Variants in EIF3M observed in about 807,000 individuals in gnomAD.
EIF3M encodes B5 receptor.
EIF3M carries 25 observed loss-of-function variants against 49.7 expected under a neutral mutation model. That is an observed-to-expected ratio of 0.50 (90% CI 0.37 to 0.70). The LOEUF (loss-of-function observed/expected upper bound fraction) is 0.70. Among genes scored for constraint, EIF3M ranks in the 30% least tolerant of loss-of-function variants. The pLI is 0.00. For missense variants in EIF3M, 350 were observed against 440.0 expected, an observed-to-expected ratio of 0.80 and a Z score of 1.83; for synonymous variants, 156 against 149.8, an observed-to-expected ratio of 1.04 and a Z score of -0.30.
chr11:32,588,693 A>G lies in EIF3M; in HGVS notation c.275A>G (p.Lys92Arg), dbSNP rs201519949. The G allele has an allele frequency of 1.1e-5, 17 of 1,614,108 alleles. No homozygotes were observed. Among genetic ancestry groups the G allele is most frequent in the African/African-American group, 6.7e-5 (5 of 74,942 alleles). Residue 92 changes from lysine (K) to arginine (R), a missense_variant, in exon 3 of 11, where the codon AAA becomes AGA. Transcript: ENST00000531120. ...GAAAGCCTATGTGAAAAGCTGGTCA[A>G]ATTTCGCGAAGGTGAACGCCCGTCT... ...LIESLCEKLV[K>R]FREGERPSLR...
intron 8 of EIF3M, 21 bp from the exon 9 acceptor site, chr11:32,600,668 C>T: frequency 6.3e-7 from 1 of 1,590,186 alleles, no homozygotes; most frequent in Non-Finnish European, 8.5e-7. Flanking sequence ...ACTCATCAGG[C>T]TTCACTATTC....
At chr11:32,598,828 A>G (rs950078082) in intron 8 of EIF3M, among the ~76,000 whole-genome samples, 1 of 152,052 alleles carries the variant, frequency 6.6e-6, no homozygotes, top group African/African-American at 2.4e-5. Context: ...AGAACTGAGA[A>G]TGTTAAGGAA....
At position 32,600,712 on chromosome 11, in the gene EIF3M, G is replaced by A. The variant is rs1304035892; in HGVS notation, c.823G>A (p.Ala275Thr). The A allele has an allele frequency of 1.2e-6, 2 of 1,610,428 alleles. No individual in the cohort carries two copies. Among genetic ancestry groups the A allele is most frequent in the South Asian group, 1.1e-5 (1 of 90,572 alleles). Reference sequence around the variant, plus strand: ...AGGCCTGTTACATGAACAGAATATGGCAAAAATGAGACTACTTACTTTTAT... The same window carrying A: ...AGGCCTGTTACATGAACAGAATATGACAAAAATGAGACTACTTACTTTTAT... ...SLGLLHEQNM[A>T]KMRLLTFMGM... Residue 275 changes from alanine (A) to threonine (T), a missense_variant, in exon 9 of 11, where the codon GCA (alanine) becomes ACA (threonine). By Grantham distance (58) the Ala-to-Thr change is moderately conservative. Transcript: ENST00000531120.
chr11:32,588,941 G>T (rs1855049200), intron 3 of EIF3M, 71 bp from the exon 4 acceptor site: 1 of 1,580,986 alleles, frequency 6.3e-7, no homozygotes. Context: ...CAGGTTTGTG[G>T]TGAGAGCTAA....
Position 32,600,726 on chromosome 11 carries a change from A to G in EIF3M, c.837A>G (p.Leu279=). 6.2e-7 allele frequency: 1 copy of G among 1,611,392 alleles called. No individual in the cohort carries two copies. Among genetic ancestry groups the G allele is most frequent in the Non-Finnish European group, 8.5e-7 (1 of 1,178,350 alleles). The change falls in exon 9 of 11, where the codon CTA becomes CTG. Residue 279 remains leucine, a synonymous_variant. Transcript: ENST00000531120. ...AACAGAATATGGCAAAAATGAGACT[A>G]CTTACTTTTATGGGAATGGCAGTAG... ...LHEQNMAKMR[L]LTFMGMAVEN...
Position 32,593,858 on chromosome 11 carries a change from C to CT in EIF3M, c.534-3dup. 1 of 1,555,380 alleles carries CT rather than the reference C, an allele frequency of 6.4e-7. No individual in the cohort carries two copies. Reference sequence around the variant, plus strand: ...CTTTCAAGTTCCTAAAGCAATATTTCTTTTTAGTGATGCTGCTTCAAAAGT... The same window carrying CT: ...CTTTCAAGTTCCTAAAGCAATATTTCTTTTTTAGTGATGCTGCTTCAAAAGT... On this transcript the variant is annotated splice_polypyrimidine_tract_variant and splice_region_variant and intron_variant, in intron 5 of 10. Transcript: ENST00000531120.
rs1855010208 is a variant in EIF3M at position 32,586,994 on chromosome 11, T to C, written c.43-18T>C. 4.4e-6 allele frequency: 7 copies of C among 1,587,576 alleles called. No individual in the cohort carries two copies. The highest frequency in any genetic ancestry group is 6.0e-6 in the Non-Finnish European group (7 of 1,168,470). On this transcript the variant is annotated intron_variant, in intron 1 of 10. Coordinates refer to ENST00000531120, the MANE Select transcript of EIF3M (RefSeq NM_006360.6). ...TTGTCATTCGTAGTCAGTTTTATAA[T>C]AGAGCAATCCTCAACAGGCTGCTGA...
rs1324638908 is a variant in EIF3M, at chr11:32,602,834, C to G, written c.*435C>G. 2 of 1,597,704 alleles carry G rather than the reference C, an allele frequency of 1.3e-6. No homozygotes were observed. Among genetic ancestry groups the G allele is most frequent in the African/African-American group, 2.7e-5 (2 of 73,740 alleles). ...CATTATTTTAATCTGTTGTTTTTTT[C>G]CAACGTCTCTTCTGCTTTTCTTTTC... On this transcript the variant is annotated 3_prime_UTR_variant, in exon 11 of 11. Transcript: ENST00000531120.
In EIF3M at chr11:32,589,625, G is replaced by A; in HGVS notation, c.517G>A (p.Val173Met). The change falls in exon 5 of 11, where the codon GTG becomes ATG. Residue 173 changes from valine to methionine, a missense_variant. By Grantham distance (21) the Val-to-Met change is conservative (BLOSUM62 1). Transcript: ENST00000531120. ...TTTAAGACTACTTTATGAGGCACTT[G>A]TGGATTGTAAGAAGAGGTATTCAAA... is the stretch of plus-strand genomic sequence containing the variant. Reference protein sequence around the residue: ...TLLRLLYEALVDCKKSDAASK... With the variant: ...TLLRLLYEALMDCKKSDAASK... 1.9e-6 allele frequency: 3 copies of A among 1,614,052 alleles called. No individual in the cohort carries two copies. Among genetic ancestry groups the A allele is most frequent in the Non-Finnish European group, 2.5e-6 (3 of 1,179,998 alleles).
chr11:32,593,784 A>C, intron 5 of EIF3M, 82 bp from the exon 6 acceptor site: 1 of 963,064 alleles, frequency 1.0e-6, no homozygotes, highest in South Asian at 2.3e-5. Flanking sequence ...TGTCATCAGC[A>C]CAGTACCTGC....
chr11:32,595,289 G>A (rs1855163161), intron 7 of EIF3M, among the ~76,000 whole-genome samples: 1 of 151,446 alleles, frequency 6.6e-6, no homozygotes, highest in Admixed American at 6.6e-5. Context: ...GCGGTGGCAT[G>A]ATCTTGGCTC....
intron 5 of EIF3M, 73 bp from the exon 6 acceptor site, chr11:32,593,793 G>C: frequency 9.6e-7 from 1 of 1,037,682 alleles, no homozygotes; most frequent in East Asian, 2.7e-5. Flanking sequence ...CACAGTACCT[G>C]CCTCTTAAAA....
chr11:32,595,156 C>G (rs1565049325), intron 7 of EIF3M, 143 bp downstream of exon 7: 5 of 660,918 alleles, frequency 7.6e-6, no homozygotes, highest in Non-Finnish European at 1.2e-5. Context: ...CTTTTTATAT[C>G]AGGAACAGAC....
chr11:32,596,911 C>CA lies in EIF3M; in HGVS notation c.799+874dup, dbSNP rs76116503. On this transcript the variant is annotated intron_variant, in intron 8 of 10. Coordinates refer to ENST00000531120, the MANE Select transcript of EIF3M (RefSeq NM_006360.6). ...CAGAGTGAGGCTCCATCTCAAAAAA[C>CA]AAAAAAAAAAGAGAGAGAAAATGAC... Among the ~76,000 whole-genome samples, 254 of 146,834 alleles carry CA rather than the reference C, an allele frequency of 1.7e-3. 5 individuals carry two copies. The highest frequency in any genetic ancestry group is 1.4e-3 in the Non-Finnish European group (90 of 66,282).
chr11:32,588,234 C>T (rs941859914), intron 2 of EIF3M, among the ~76,000 whole-genome samples: 9 of 151,812 alleles, frequency 5.9e-5, no homozygotes, highest in Middle Eastern at 3.4e-3. Context: ...ACTAAAAATA[C>T]AAAAATTAGC....
chr11:32,586,904 T>G, intron 1 of EIF3M, 108 bp from the exon 2 acceptor site: 1 of 1,365,648 alleles, frequency 7.3e-7, no homozygotes, highest in Non-Finnish European at 9.8e-7. Flanking sequence ...TTATTTGAAA[T>G]AGTTGTTGAA....
intron 9 of EIF3M, 159 bp from the exon 10 acceptor site, chr11:32,601,603 G>T (rs963875537): frequency 3.6e-6 from 2 of 561,082 alleles, no homozygotes; most frequent in African/African-American, 3.8e-5. Flanking sequence ...CTTTCTTTTG[G>T]TTGCCCCATA....
At chr11:32,588,498 G>C in intron 2 of EIF3M, 96 bp from the exon 3 acceptor site, 1 of 1,366,490 alleles carries the variant, frequency 7.3e-7, no homozygotes, top group Non-Finnish European at 9.7e-7. Flanking sequence ...TACATTTGAT[G>C]GTCTTCATTG....
chr11:32,595,911 A>G (rs1855170599), intron 7 of EIF3M, 55 bp from the exon 8 acceptor site: 1 of 1,243,362 alleles, frequency 8.0e-7, no homozygotes, highest in African/African-American at 1.6e-5. Flanking sequence ...AGAATATCTT[A>G]CAATAAATCT....
Sources: allele counts gnomAD v4.1 joint callset (sites outside exome capture counted in the v4.1 genomes callset), GRCh38; gene constraint gnomAD v4.1.1; transcripts MANE v1.5; gene names NCBI Gene and HGNC (gene_info 2026-07-23, HGNC 2026-07-21).